Variants in DLG2 observed in about 807,000 individuals in gnomAD.
The protein encoded by DLG2 is discs large MAGUK scaffold protein 2.
A neutral mutation model predicts 132.5 loss-of-function variants in DLG2; 45 were observed. The ratio of observed to expected loss-of-function variants is 0.34; its 90% CI spans 0.27 to 0.44. DLG2 has a LOEUF of 0.44. DLG2 is among the 20% of genes least tolerant of loss of function. DLG2 has a pLI of 1.00. For synonymous variants in DLG2, 424 were observed against 419.6 expected (o/e 1.01, Z -0.13); for missense variants, 1,045 against 1,196.9 (o/e 0.87, Z 1.87).
At chr11:83,730,146 GT>G (rs541441004) in intron 18 of DLG2, among the ~76,000 whole-genome samples, 19,517 of 110,886 alleles carry the variant, frequency 0.18, 1,374 homozygotes, top group Non-Finnish European at 0.24. Context: ...TTTTTTTATG[GT>G]TTTTTTTTTT....
chr11:85,472,354 T>G (rs935857602), intron 3 of DLG2, among the ~76,000 whole-genome samples: 2 of 152,106 alleles, frequency 1.3e-5, no homozygotes, highest in Non-Finnish European at 2.9e-5. Flanking sequence ...CAGGCTGGAG[T>G]GCAGAGGCGT....
chr11:83,903,760 G>A (rs1432245966), intron 15 of DLG2, among the ~76,000 whole-genome samples: 1 of 152,084 alleles, frequency 6.6e-6, no homozygotes, highest in Non-Finnish European at 1.5e-5. Flanking sequence ...GAAATTAGAA[G>A]CAAACTAAAC....
At chr11:85,081,140 T>C (rs1420728239) in intron 6 of DLG2, among the ~76,000 whole-genome samples, 4 of 152,080 alleles carry the variant, frequency 2.6e-5, no homozygotes, top group Admixed American at 2.0e-4. Flanking sequence ...AAGGAAAAAA[T>C]AAAGACCCTC....
intron 21 of DLG2, among the ~76,000 whole-genome samples, chr11:83,507,492 TAC>T (rs1181363248): frequency 6.8e-6 from 1 of 146,528 alleles, no homozygotes; most frequent in Non-Finnish European, 1.5e-5. Flanking sequence ...TCCATATATA[TAC>T]ACATATATAT....
chr11:84,195,224 T>C (rs12802109), intron 8 of DLG2, among the ~76,000 whole-genome samples: 7,302 of 152,254 alleles, frequency 0.048, 216 homozygotes, highest in Non-Finnish European at 0.06. Context: ...AGTGCAGTGG[T>C]GCGGTCTCAG....
At chr11:83,784,303 C>T (rs1374179090) in intron 18 of DLG2, among the ~76,000 whole-genome samples, 2 of 152,158 alleles carry the variant, frequency 1.3e-5, no homozygotes, top group African/African-American at 4.8e-5. Flanking sequence ...ATTTAAATGT[C>T]TCTAAACAAT....
At chr11:85,263,935 A>G (rs1370036340) in intron 4 of DLG2, among the ~76,000 whole-genome samples, 1 of 152,222 alleles carries the variant, frequency 6.6e-6, no homozygotes, top group Non-Finnish European at 1.5e-5. Flanking sequence ...CAAGGAAACA[A>G]CAGGCATCAC....
At chr11:84,079,827 C>T (rs191299636) in intron 10 of DLG2, among the ~76,000 whole-genome samples, 1 of 152,330 alleles carries the variant, frequency 6.6e-6, no homozygotes, top group East Asian at 1.9e-4. Context: ...TGCACTCTCC[C>T]ACCACCTCCA....
At chr11:85,184,346 T>C (rs1217244785) in intron 4 of DLG2, among the ~76,000 whole-genome samples, 1 of 151,078 alleles carries the variant, frequency 6.6e-6, no homozygotes, top group Non-Finnish European at 1.5e-5. Context: ...AAAGAGATTT[T>C]CCTTTTTTTT....
rs544279195 is a variant in DLG2, at chr11:83,850,123, A to AGTGTGTGTGTGT, written c.1566-16365_1566-16354dup. On this transcript the variant is annotated intron_variant, in intron 16 of 27. Coordinates refer to ENST00000376104, the MANE Select transcript of DLG2 (RefSeq NM_001142699.3). ...TCATTCATCCGTAACATTTGGGGTAAGTGTGTGTGTGTGTGTGTGTGTGTG... is the reference window on the plus strand; with the variant it reads ...TCATTCATCCGTAACATTTGGGGTAAGTGTGTGTGTGTGTGTGTGTGTGTGTGTGTGTGTGTG... Among the ~76,000 whole-genome samples the AGTGTGTGTGTGT allele has an allele frequency of 8.9e-3, 348 of 39,096 alleles. 3 individuals carry two copies. The highest frequency in any genetic ancestry group is 0.027 in the South Asian group (17 of 628). 25.6% of individuals were successfully genotyped at this position (39,096 alleles called of 152,430 possible). A position where few individuals can be genotyped will look rare whatever the true frequency, so the allele number is the denominator to read the frequency against.
chr11:85,541,980 G>A (rs1416408955), intron 3 of DLG2, among the ~76,000 whole-genome samples: 1 of 152,028 alleles, frequency 6.6e-6, no homozygotes, highest in Non-Finnish European at 1.5e-5. Flanking sequence ...AGACTTCTCA[G>A]CTTGACACCT....
intron 18 of DLG2, among the ~76,000 whole-genome samples, chr11:83,741,576 A>G (rs1016441010): frequency 6.6e-6 from 1 of 152,188 alleles, no homozygotes; most frequent in Non-Finnish European, 1.5e-5. Flanking sequence ...AAAACGGAAT[A>G]CCTAATAATA....
At chr11:83,843,745 C>A (rs899175299) in intron 16 of DLG2, among the ~76,000 whole-genome samples, 2 of 151,994 alleles carry the variant, frequency 1.3e-5, no homozygotes, top group African/African-American at 4.8e-5. Context: ...TAATGTTTGT[C>A]TCATGGGGAA....
At chr11:84,709,096 C>A (rs1373963371) in intron 6 of DLG2, among the ~76,000 whole-genome samples, 3 of 151,812 alleles carry the variant, frequency 2.0e-5, no homozygotes, top group African/African-American at 7.2e-5. Context: ...CTATCAGACT[C>A]TGAAGTGAGA....
intron 6 of DLG2, among the ~76,000 whole-genome samples, chr11:84,876,477 G>A (rs1429933368): frequency 1.3e-5 from 2 of 152,158 alleles, no homozygotes; most frequent in African/African-American, 4.8e-5. Context: ...GTGTAGAGGT[G>A]TTTATAGTAT....
At chr11:84,242,225 G>A (rs1367692567) in intron 8 of DLG2, among the ~76,000 whole-genome samples, 1 of 152,132 alleles carries the variant, frequency 6.6e-6, no homozygotes, top group Non-Finnish European at 1.5e-5. Context: ...CTAAGTAAGG[G>A]CTTCCCAGTA....
At chr11:85,237,944 A>C (rs952965473) in intron 4 of DLG2, among the ~76,000 whole-genome samples, 3 of 152,072 alleles carry the variant, frequency 2.0e-5, no homozygotes, top group Admixed American at 1.3e-4. Flanking sequence ...TGATTTATGC[A>C]TTTGTACAAA....
At chr11:85,277,392 T>C (rs1278883255) in intron 4 of DLG2, among the ~76,000 whole-genome samples, 1 of 152,138 alleles carries the variant, frequency 6.6e-6, no homozygotes, top group Non-Finnish European at 1.5e-5. Context: ...TTAAATATCT[T>C]TGCATCATCC....
intron 6 of DLG2, among the ~76,000 whole-genome samples, chr11:84,866,538 T>C (rs1165865443): frequency 6.6e-6 from 1 of 152,196 alleles, no homozygotes; most frequent in African/African-American, 2.4e-5. Context: ...AGGTAGAGTC[T>C]TGTCTTGCTA....
Sources: gnomAD v4.1 joint callset for allele counts (sites outside exome capture counted in the v4.1 genomes callset) on GRCh38, gnomAD v4.1.1 for gene constraint, MANE v1.5 for transcripts, NCBI Gene and HGNC (gene_info 2026-07-23, HGNC 2026-07-21) for gene names.